Variants in TRIM13 observed in about 807,000 individuals in gnomAD.
TRIM13 encodes the protein E3 ubiquitin-protein ligase TRIM13.
TRIM13 carries 15 observed loss-of-function variants against 27.1 expected under a neutral mutation model. That is an observed-to-expected ratio of 0.55 (90% CI 0.37 to 0.85). The LOEUF (loss-of-function observed/expected upper bound fraction) is 0.85. Among genes scored for constraint, TRIM13 ranks in the 40% least tolerant of loss-of-function variants. The probability of loss-of-function intolerance (pLI) is 0.00; values close to 1 mark genes in which losing one functional copy is unlikely to be tolerated. For missense variants in TRIM13, 402 were observed against 472.2 expected (o/e 0.85, Z 1.38); for synonymous variants, 193 against 171.5 (o/e 1.13, Z -0.98).
chr13:50,013,217 G>C lies in TRIM13; in HGVS notation c.*53G>C, dbSNP rs1875891425. 6.7e-7 allele frequency: 1 copy of C among 1,483,572 alleles called. No homozygotes were observed. Among genetic ancestry groups the C allele is most frequent in the Admixed American group, 2.4e-5 (1 of 41,836 alleles). The allele number at this position is 1,483,572 out of a possible 1,614,324, so 91.9% of individuals were successfully genotyped here. A position where few individuals can be genotyped will look rare whatever the true frequency, so the allele number is the denominator to read the frequency against. On this transcript the variant is annotated 3_prime_UTR_variant, in exon 2 of 2. Coordinates refer to ENST00000378182, the MANE Select transcript of TRIM13 (RefSeq NM_213590.3). ...TTGTTAGAAATTGTTAGAGAATAGAGAGTGGTAATTCAGATTTGGTCAACG... is the reference window on the plus strand; with the variant it reads ...TTGTTAGAAATTGTTAGAGAATAGACAGTGGTAATTCAGATTTGGTCAACG...
At chr13:50,009,964 A>G (rs1875377931) in intron 1 of TRIM13, among the ~76,000 whole-genome samples, 1 of 151,896 alleles carries the variant, frequency 6.6e-6, no homozygotes, top group Non-Finnish European at 1.5e-5. Flanking sequence ...GAAATACACA[A>G]AAATCTAGGC....
intron 1 of TRIM13, among the ~76,000 whole-genome samples, chr13:50,004,334 C>T (rs901066177): frequency 6.6e-6 from 1 of 151,964 alleles, no homozygotes; most frequent in Non-Finnish European, 1.5e-5. Flanking sequence ...GTAGCATGTA[C>T]CTGTAGTACC....
rs1394151815 is a variant in TRIM13 at position 50,017,520 on chromosome 13, T to C, written c.*4356T>C. On this transcript the variant is annotated 3_prime_UTR_variant, in exon 2 of 2. Coordinates refer to ENST00000378182, the MANE Select transcript of TRIM13 (RefSeq NM_213590.3). ...TTTCCATTTTAAAGTGAGAAAACAT[T>C]ATATTTAGACTTCCATAATTCCAAA... 6.0e-6 allele frequency: 1 copy of C among 167,054 alleles called. No individual in the cohort carries two copies. The highest frequency in any genetic ancestry group is 1.9e-4 in the East Asian group (1 of 5,204). The allele number at this position is 167,054 out of a possible 1,614,324, so 10.3% of individuals were successfully genotyped here. A position where few individuals can be genotyped will look rare whatever the true frequency, so the allele number is the denominator to read the frequency against.
intron 1 of TRIM13, among the ~76,000 whole-genome samples, chr13:50,003,091 A>G (rs1162188022): frequency 1.3e-5 from 2 of 152,218 alleles, no homozygotes; most frequent in African/African-American, 2.4e-5. Flanking sequence ...CTGAGAGGAA[A>G]TGATTTTTTT....
chr13:50,015,648 A>G lies in TRIM13; in HGVS notation c.*2484A>G. 1.2e-6 allele frequency: 2 copies of G among 1,614,152 alleles called. No homozygotes were observed. Among genetic ancestry groups the G allele is most frequent in the Non-Finnish European group, 1.7e-6 (2 of 1,180,002 alleles). On this transcript the variant is annotated 3_prime_UTR_variant, in exon 2 of 2. Transcript: ENST00000378182. ...ATGGTTGGTGGCCAGATTTTTGTAG[A>G]CAGAGATGGTGATTTGTTTAGTTTC...
rs369492801 is a variant in TRIM13 at position 50,013,125 on chromosome 13, C to T, written c.1185C>T (p.Asn395=). ...AGAATTTTACTTTGGTGGTACTGAA[C>T]AATGTGGCAGAATTTGTGTGCAAAT... The part of the protein sequence containing the change: ...RFKNFTLVVL[N]NVAEFVCKYK... The change falls in exon 2 of 2, where the codon AAC becomes AAT. Residue 395 remains asparagine (N), a synonymous_variant. Coordinates refer to ENST00000378182, the MANE Select transcript of TRIM13 (RefSeq NM_213590.3). The T allele has an allele frequency of 4.4e-6, 7 of 1,592,386 alleles. No individual in the cohort carries two copies. The highest frequency in any genetic ancestry group is 6.0e-6 in the Non-Finnish European group (7 of 1,171,330).
intron 1 of TRIM13, among the ~76,000 whole-genome samples, chr13:50,007,125 G>A (rs1874822877): frequency 6.6e-6 from 1 of 151,578 alleles, no homozygotes; most frequent in Admixed American, 6.6e-5. Flanking sequence ...AGAGGTTGCA[G>A]TGAGCCGAGA....
chr13:50,015,782 C>G lies in TRIM13; in HGVS notation c.*2618C>G. On this transcript the variant is annotated 3_prime_UTR_variant, in exon 2 of 2. Coordinates refer to ENST00000378182, the MANE Select transcript of TRIM13 (RefSeq NM_213590.3). Reference sequence around the variant, plus strand: ...CTATGAACTTCGTTCTCTAGTTGATCTCTTAAACCCATACCTGCTACAGCC... The same window carrying G: ...CTATGAACTTCGTTCTCTAGTTGATGTCTTAAACCCATACCTGCTACAGCC... The G allele has an allele frequency of 6.2e-7, 1 of 1,614,092 alleles. No individual in the cohort carries two copies. Among genetic ancestry groups the G allele is most frequent in the Non-Finnish European group, 8.5e-7 (1 of 1,179,980 alleles).
intron 1 of TRIM13, among the ~76,000 whole-genome samples, chr13:50,008,311 CTG>C (rs1334307026): frequency 3.9e-5 from 6 of 152,094 alleles, no homozygotes; most frequent in African/African-American, 1.4e-4. Flanking sequence ...CCTGAGTAAA[CTG>C]AATGTAGAAA....
chr13:50,015,455 T>G lies in TRIM13; in HGVS notation c.*2291T>G. ...TATGGTTATAGGTTGATTTCCTAAG[T>G]GTGGCTGATGGTAGCCTCTAGTTTG... On this transcript the variant is annotated 3_prime_UTR_variant, in exon 2 of 2. Transcript: ENST00000378182. The G allele has an allele frequency of 7.0e-7, 1 of 1,428,490 alleles. No individual in the cohort carries two copies. Among genetic ancestry groups the G allele is most frequent in the Non-Finnish European group, 9.7e-7 (1 of 1,030,792 alleles). 88.5% of individuals were successfully genotyped at this position (1,428,490 alleles called of 1,614,324 possible).
At chr13:50,006,375 C>G (rs529362221) in intron 1 of TRIM13, among the ~76,000 whole-genome samples, 1 of 152,194 alleles carries the variant, frequency 6.6e-6, no homozygotes, top group East Asian at 1.9e-4. Flanking sequence ...CTCATCCCAC[C>G]CAATCACTTG....
At position 50,012,878 on chromosome 13, in the gene TRIM13, G is replaced by A; in HGVS notation, c.938G>A (p.Ser313Asn). 1.2e-6 allele frequency: 2 copies of A among 1,613,966 alleles called. No individual in the cohort carries two copies. The highest frequency in any genetic ancestry group is 1.7e-6 in the Non-Finnish European group (2 of 1,180,006). ...ACATTCATTAGCAAGATTCCCTGGA[G>A]CTTTTATAAGTTATTTTTGCTAATC... ...TGTFISKIPWSFYKLFLLILL... is the reference protein window; with the variant it reads ...TGTFISKIPWNFYKLFLLILL... The change falls in exon 2 of 2, where the codon AGC becomes AAC. Residue 313 changes from serine to asparagine, a missense_variant. By Grantham distance (46) the Ser-to-Asn change is conservative. Coordinates refer to ENST00000378182, the MANE Select transcript of TRIM13 (RefSeq NM_213590.3).
chr13:50,012,864 C>T lies in TRIM13; in HGVS notation c.924C>T (p.Ser308=). 4 of 1,614,070 alleles carry T rather than the reference C, an allele frequency of 2.5e-6. No individual in the cohort carries two copies. Among genetic ancestry groups the T allele is most frequent in the Non-Finnish European group, 3.4e-6 (4 of 1,180,018 alleles). The change falls in exon 2 of 2, where the codon AGC becomes AGT. Residue 308 remains serine (S), a synonymous_variant. Transcript: ENST00000378182. ...CTCAAGACACTGGCACATTCATTAG[C>T]AAGATTCCCTGGAGCTTTTATAAGT... is the stretch of plus-strand genomic sequence containing the variant. ...SLPQDTGTFI[S]KIPWSFYKLF...
chr13:49,998,062 C>T (rs116881404), intron 1 of TRIM13, among the ~76,000 whole-genome samples: 272 of 152,154 alleles, frequency 1.8e-3, no homozygotes, highest in Non-Finnish European at 3.0e-3. Context: ...AGTGAATTGT[C>T]AGGCTGCTAG....
Position 50,015,384 on chromosome 13 carries a change from T to C in TRIM13, c.*2220T>C, listed in dbSNP as rs1406202912. 2 of 814,848 alleles carry C rather than the reference T, an allele frequency of 2.5e-6. No homozygotes were observed. Among genetic ancestry groups the C allele is most frequent in the East Asian group, 2.5e-5 (1 of 40,600 alleles). 50.5% of individuals were successfully genotyped at this position (814,848 alleles called of 1,614,324 possible). On this transcript the variant is annotated 3_prime_UTR_variant, in exon 2 of 2. Coordinates refer to ENST00000378182, the MANE Select transcript of TRIM13 (RefSeq NM_213590.3). ...GGGAATCTAAGTCTGGTTTTTGTTATTCTTCCCTCCCCTCCACTGCATAAT... is the reference window on the plus strand; with the variant it reads ...GGGAATCTAAGTCTGGTTTTTGTTACTCTTCCCTCCCCTCCACTGCATAAT...
Position 50,015,749 on chromosome 13 carries a change from G to T in TRIM13, c.*2585G>T, listed in dbSNP as rs866665695. The T allele has an allele frequency of 6.2e-7, 1 of 1,613,990 alleles. No homozygotes were observed. Among genetic ancestry groups the T allele is most frequent in the African/African-American group, 1.3e-5 (1 of 74,986 alleles). On this transcript the variant is annotated 3_prime_UTR_variant, in exon 2 of 2. Transcript: ENST00000378182. ...AGACTATCTTAGGCTTCAGAGAGAG[G>T]CTCTTTTCTATGAACTTCGTTCTCT...
chr13:50,000,406 A>G (rs1873880071), intron 1 of TRIM13, among the ~76,000 whole-genome samples: 1 of 152,222 alleles, frequency 6.6e-6, no homozygotes, highest in African/African-American at 2.4e-5. Context: ...AGAGCTGTGG[A>G]GCAAGACTTT....
At chr13:50,002,175 G>A (rs892580316) in intron 1 of TRIM13, among the ~76,000 whole-genome samples, 7 of 152,074 alleles carry the variant, frequency 4.6e-5, no homozygotes. Context: ...AGATACTTGT[G>A]GCCAGGAGTT....
At position 50,013,315 on chromosome 13, in the gene TRIM13, T is replaced by G; in HGVS notation, c.*151T>G. On this transcript the variant is annotated 3_prime_UTR_variant, in exon 2 of 2. Coordinates refer to ENST00000378182, the MANE Select transcript of TRIM13 (RefSeq NM_213590.3). ...CTATACATGTTCAAATTAGGTAGCA[T>G]AAAGATAAAAGTGAAATTTAGTAGT... 2 of 843,614 alleles carry G rather than the reference T, an allele frequency of 2.4e-6. No homozygotes were observed. The highest frequency in any genetic ancestry group is 3.5e-6 in the Non-Finnish European group (2 of 578,462). The allele number at this position is 843,614 out of a possible 1,614,324, so 52.3% of individuals were successfully genotyped here.
Sources: gnomAD v4.1 joint callset for allele counts (sites outside exome capture counted in the v4.1 genomes callset) on GRCh38, gnomAD v4.1.1 for gene constraint, MANE v1.5 for transcripts, NCBI Gene and HGNC (gene_info 2026-07-23, HGNC 2026-07-21) for gene names.